CACNA2D3: variants seen among roughly 807,000 people sequenced by gnomAD.
CACNA2D3 encodes the protein voltage-dependent calcium channel subunit alpha-2/delta-3.
CACNA2D3 carries 60 observed loss-of-function variants against 160.6 expected under a neutral mutation model. That is an observed-to-expected ratio of 0.37 (90% CI 0.30 to 0.46). The LOEUF (loss-of-function observed/expected upper bound fraction) is 0.46, where lower values mean the gene tolerates loss of function less well. Ranked by LOEUF, CACNA2D3 falls within the 20% of genes least tolerant of loss-of-function variation. CACNA2D3 has a pLI of 1.00. For missense variants in CACNA2D3, 1,205 were observed against 1,365.0 expected (o/e 0.88, Z 1.85); for synonymous variants, 558 against 492.9 (o/e 1.13, Z -1.75).
rs114003305 is a variant in CACNA2D3, at chr3:54,787,963, G to A, written c.1380+23612G>A. On this transcript the variant is annotated intron_variant, in intron 13 of 37. Coordinates refer to ENST00000474759, the MANE Select transcript of CACNA2D3 (RefSeq NM_018398.3). The stretch of plus-strand genomic sequence containing the variant: ...TTTATGACAAAGTGGCATATTTTGG[G>A]GTGGCATATTCTGATCCCTGTCACT... Among the ~76,000 whole-genome samples the A allele has an allele frequency of 5.0e-3, 757 of 152,178 alleles. 8 individuals carry two copies. Among genetic ancestry groups the A allele is most frequent in the African/African-American group, 0.018 (731 of 41,504 alleles).
At chr3:54,272,760 C>T (rs938125420) in intron 2 of CACNA2D3, 17 of 152,172 alleles carry the variant, frequency 1.1e-4, no homozygotes, top group African/African-American at 4.1e-4. Context: ...AGAAAGAAGG[C>T]ACCAGGTCTA....
At chr3:54,854,377 G>A (rs975721894) in intron 17 of CACNA2D3, among the ~76,000 whole-genome samples, 1 of 152,174 alleles carries the variant, frequency 6.6e-6, no homozygotes, top group Non-Finnish European at 1.5e-5. Context: ...TTGAGGGGAG[G>A]GCTTACAACT....
chr3:54,147,676 G>A (rs1700061518), intron 2 of CACNA2D3, among the ~76,000 whole-genome samples: 1 of 152,228 alleles, frequency 6.6e-6, no homozygotes, highest in Non-Finnish European at 1.5e-5. Flanking sequence ...GGATTACAGT[G>A]TTAGTGTAGA....
Position 54,256,252 on chromosome 3 carries a change from G to A in CACNA2D3, c.205-64190G>A, listed in dbSNP as rs560721785. ...TGTACCTGGAAGAGGAAGTCCTCAG[G>A]ATTGAATGCCTCCCCTTTCTCTGAC... On this transcript the variant is annotated intron_variant, in intron 2 of 37. Coordinates refer to ENST00000474759, the MANE Select transcript of CACNA2D3 (RefSeq NM_018398.3). Among the ~76,000 whole-genome samples the A allele has an allele frequency of 3.3e-5, 5 of 152,258 alleles. No individual in the cohort carries two copies. The South Asian group carries it at 1.0e-3, about 32-fold the overall frequency.
chr3:55,018,813 A>G (rs358030), intron 35 of CACNA2D3, among the ~76,000 whole-genome samples: 65,219 of 151,694 alleles, frequency 0.43, 16,359 homozygotes, highest in African/African-American at 0.71. Flanking sequence ...TTTCAATTGG[A>G]CAGTTCCCGT....
chr3:54,918,335 T>TTTTC, intron 27 of CACNA2D3: 2 of 125,064 alleles, frequency 1.6e-5, no homozygotes, highest in African/African-American at 9.8e-5. Flanking sequence ...TTTTTTTCTT[T>TTTTC]TTTTTTTTTT....
At chr3:54,953,886 A>G (rs1701818560) in intron 27 of CACNA2D3, among the ~76,000 whole-genome samples, 1 of 152,180 alleles carries the variant, frequency 6.6e-6, no homozygotes, top group Non-Finnish European at 1.5e-5. Context: ...GAGTCTGAGT[A>G]GCCTCTTGAG....
At chr3:54,299,167 C>T (rs993851571) in intron 2 of CACNA2D3, among the ~76,000 whole-genome samples, 1 of 151,216 alleles carries the variant, frequency 6.6e-6, no homozygotes, top group Admixed American at 6.6e-5. Flanking sequence ...TAGTGGGAGT[C>T]ATGAAATTCA....
At chr3:54,386,327 T>C (rs961659949) in intron 3 of CACNA2D3, among the ~76,000 whole-genome samples, 1 of 152,184 alleles carries the variant, frequency 6.6e-6, no homozygotes, top group Non-Finnish European at 1.5e-5. Context: ...GCTAGCCCAC[T>C]TAAAGTTGGA....
At chr3:55,040,081 G>T (rs2107189622) in intron 35 of CACNA2D3, among the ~76,000 whole-genome samples, 1 of 152,202 alleles carries the variant, frequency 6.6e-6, no homozygotes, top group Non-Finnish European at 1.5e-5. Flanking sequence ...TCTGGTAACG[G>T]CTCTCTTCTT....
At position 54,640,297 on chromosome 3, in the gene CACNA2D3, C is replaced by T. The variant is rs549365937; in HGVS notation, c.1054-1831C>T. 8.5e-5 allele frequency among the ~76,000 whole-genome samples: 13 copies of T among 152,266 alleles called. No individual in the cohort carries two copies. In the South Asian group the frequency reaches 1.5e-3, roughly 17 times the overall value. On this transcript the variant is annotated intron_variant, in intron 10 of 37. Coordinates refer to ENST00000474759, the MANE Select transcript of CACNA2D3 (RefSeq NM_018398.3). ...GGGCACTTAGCAAATAATTTTAGAA[C>T]AAATGAATACACTTTGCAGATTTTA... is the stretch of plus-strand genomic sequence containing the variant.
chr3:54,420,303 C>G (rs1169732426), intron 4 of CACNA2D3, among the ~76,000 whole-genome samples: 1 of 151,110 alleles, frequency 6.6e-6, no homozygotes, highest in African/African-American at 2.4e-5. Flanking sequence ...CAGGATGGTC[C>G]CGATCTCTTT....
At chr3:54,829,242 T>G (rs1364812100) in intron 14 of CACNA2D3, among the ~76,000 whole-genome samples, 3 of 152,206 alleles carry the variant, frequency 2.0e-5, no homozygotes, top group Non-Finnish European at 4.4e-5. Context: ...AAGGTGTCTG[T>G]ATCTCTACTG....
intron 2 of CACNA2D3, among the ~76,000 whole-genome samples, chr3:54,178,597 T>C (rs528740705): frequency 5.9e-5 from 9 of 152,324 alleles, no homozygotes; most frequent in Admixed American, 2.0e-4. Context: ...GCTGTCTTGG[T>C]TGTTTGCCTG....
chr3:54,922,445 A>G (rs1205092714), intron 27 of CACNA2D3, among the ~76,000 whole-genome samples: 2 of 152,132 alleles, frequency 1.3e-5, no homozygotes, highest in African/African-American at 4.8e-5. Flanking sequence ...GTAGACGTAA[A>G]CAATTTTATT....
chr3:54,293,575 A>AT (rs1553783388), intron 2 of CACNA2D3, among the ~76,000 whole-genome samples: 1 of 151,760 alleles, frequency 6.6e-6, no homozygotes, highest in Non-Finnish European at 1.5e-5. Flanking sequence ...ATATATATAT[A>AT]TATCAATATA....
chr3:54,400,865 A>G (rs1699448105), intron 4 of CACNA2D3, among the ~76,000 whole-genome samples: 1 of 152,336 alleles, frequency 6.6e-6, no homozygotes, highest in South Asian at 2.1e-4. Context: ...ACATTGCCAA[A>G]GTAACACAAT....
At chr3:54,174,568 A>G (rs1370326505) in intron 2 of CACNA2D3, among the ~76,000 whole-genome samples, 1 of 147,632 alleles carries the variant, frequency 6.8e-6, no homozygotes, top group East Asian at 2.1e-4. Context: ...TCTGTCGCCC[A>G]GGCTGGAGTG....
At chr3:54,521,383 T>C (rs2106989949) in intron 5 of CACNA2D3, among the ~76,000 whole-genome samples, 1 of 152,324 alleles carries the variant, frequency 6.6e-6, no homozygotes, top group Non-Finnish European at 1.5e-5. Context: ...TTGTTCATCT[T>C]TAATCGGGTA....
Sources: allele counts gnomAD v4.1 joint callset (sites outside exome capture counted in the v4.1 genomes callset), GRCh38; gene constraint gnomAD v4.1.1; transcripts MANE v1.5; gene names NCBI Gene and HGNC (gene_info 2026-07-23, HGNC 2026-07-21).